The following TMEM87B variants were observed in gnomAD, a reference collection of about 807,000 sequenced individuals.
TMEM87B encodes the protein transmembrane protein 87B.
A neutral mutation model predicts 80.3 loss-of-function variants in TMEM87B; 83 were observed. The ratio of observed to expected loss-of-function variants is 1.03; its 90% CI spans 0.87 to 1.24. The LOEUF is 1.24. Among genes scored for constraint, TMEM87B ranks in the 50% most tolerant of loss-of-function variants. The pLI is 0.00. For missense variants in TMEM87B, 625 were observed against 674.4 expected (o/e 0.93, Z 0.81); for synonymous variants, 219 against 230.5 (o/e 0.95, Z 0.45).
chr2:112,091,833 G>GATTACAA, intron 11 of TMEM87B, 50 bp downstream of exon 11: 1 of 1,327,192 alleles, frequency 7.5e-7, no homozygotes, highest in Non-Finnish European at 1.1e-6. Context: ...ATGAAAATCA[G>GATTACAA]ATTACATGTA....
intron 8 of TMEM87B, among the ~76,000 whole-genome samples, chr2:112,083,889 A>G (rs1406421250): frequency 6.6e-6 from 1 of 152,202 alleles, no homozygotes; most frequent in Non-Finnish European, 1.5e-5. Context: ...ATAGAGAATC[A>G]TTTTAGATAG....
At chr2:112,096,842 T>C (rs1679483285) in intron 11 of TMEM87B, among the ~76,000 whole-genome samples, 1 of 152,226 alleles carries the variant, frequency 6.6e-6, no homozygotes. Context: ...GTTCAGACAA[T>C]GGTAAATTGT....
At chr2:112,078,474 C>T (rs940301747) in intron 6 of TMEM87B, among the ~76,000 whole-genome samples, 1 of 152,184 alleles carries the variant, frequency 6.6e-6, no homozygotes, top group African/African-American at 2.4e-5. Context: ...AGCTAGTTCC[C>T]TCCAGGCCTT....
intron 2 of TMEM87B, among the ~76,000 whole-genome samples, chr2:112,063,153 AAC>A (rs1277755496): frequency 6.6e-6 from 1 of 152,174 alleles, no homozygotes; most frequent in Non-Finnish European, 1.5e-5. Flanking sequence ...GTGGTCCTCT[AAC>A]ACATTTTATC....
Position 112,077,193 on chromosome 2 carries a change from A to T in TMEM87B, c.503A>T (p.Asp168Val), listed in dbSNP as rs1445991750. 1.3e-6 allele frequency: 2 copies of T among 1,566,772 alleles called. No homozygotes were observed. Among genetic ancestry groups the T allele is most frequent in the African/African-American group, 1.4e-5 (1 of 73,632 alleles). Residue 168 changes from aspartate (D) to valine (V), a missense_variant and splice_region_variant, in exon 6 of 19, where the codon GAT (aspartate) becomes GTT (valine). Coordinates refer to ENST00000283206, the MANE Select transcript of TMEM87B (RefSeq NM_032824.3). ...RNVSNQERSM[D>V]VVARTQKDGF... is the part of the protein sequence containing the mutation. ...GAATTTTTTTCACCTCTATTTCAGG[A>T]TGTTGTAGCCAGAACACAAAAAGAT... is the stretch of plus-strand genomic sequence containing the variant.
chr2:112,112,848 A>T lies in TMEM87B; in HGVS notation c.1578-51A>T, dbSNP rs755813458. On this transcript the variant is annotated intron_variant, in intron 17 of 18. Coordinates refer to ENST00000283206, the MANE Select transcript of TMEM87B (RefSeq NM_032824.3). ...GCCTGTATTCGGCTTTCGTGGATAC[A>T]CTGGCCTTACTGTTAACAACATTAT... 7.0e-6 allele frequency: 11 copies of T among 1,573,964 alleles called. No homozygotes were observed. The East Asian group carries it at 2.2e-4, about 32-fold the overall frequency.
At chr2:112,063,884 G>C (rs1678334383) in intron 2 of TMEM87B, among the ~76,000 whole-genome samples, 1 of 152,218 alleles carries the variant, frequency 6.6e-6, no homozygotes, top group African/African-American at 2.4e-5. Flanking sequence ...AAATGTTTGA[G>C]AGTGAAATAA....
chr2:112,072,598 G>T (rs1017736862), intron 4 of TMEM87B, among the ~76,000 whole-genome samples: 1 of 152,146 alleles, frequency 6.6e-6, no homozygotes, highest in African/African-American at 2.4e-5. Flanking sequence ...CTGTATTTCT[G>T]TGGGCTCAGT....
chr2:112,100,594 G>A (rs750528140), intron 14 of TMEM87B, 28 bp from the exon 15 acceptor site: 1 of 1,502,686 alleles, frequency 6.7e-7, no homozygotes. Flanking sequence ...AAACATACTA[G>A]TAAAACTACT....
In TMEM87B at chr2:112,059,521, G is replaced by A. The variant is rs1678180451; in HGVS notation, c.166-456G>A. ...GAACTGGAAAGTTGAGAGGTGGGCA[G>A]GACTTGATTATTCACGTCCTATAGG... is the stretch of plus-strand genomic sequence containing the variant. On this transcript the variant is annotated intron_variant, in intron 1 of 18. Transcript: ENST00000283206. Among the ~76,000 whole-genome samples the A allele has an allele frequency of 2.0e-5, 3 of 152,178 alleles. No homozygotes were observed. In the South Asian group the frequency reaches 6.2e-4, roughly 31 times the overall value.
intron 8 of TMEM87B, among the ~76,000 whole-genome samples, chr2:112,082,841 T>G (rs115008538): frequency 1.3e-5 from 2 of 152,078 alleles, no homozygotes; most frequent in Non-Finnish European, 2.9e-5. Flanking sequence ...GCATGGACTT[T>G]AGTGAGGAGC....
At chr2:112,088,062 G>A (rs943976303) in intron 9 of TMEM87B, among the ~76,000 whole-genome samples, 1 of 152,166 alleles carries the variant, frequency 6.6e-6, no homozygotes, top group Non-Finnish European at 1.5e-5. Flanking sequence ...TCTGTGACTC[G>A]CACCCCTAGG....
Position 112,091,529 on chromosome 2 carries a change from T to C in TMEM87B, c.1033-183T>C, listed in dbSNP as rs118000251. ...TGCTATCATCACATAAATTAGCACT[T>C]GTTGCTATCAAAAACAGGTCATTTC... On this transcript the variant is annotated intron_variant, in intron 10 of 18. Coordinates refer to ENST00000283206, the MANE Select transcript of TMEM87B (RefSeq NM_032824.3). Among the ~76,000 whole-genome samples, 14 of 152,352 alleles carry C rather than the reference T, an allele frequency of 9.2e-5. No individual in the cohort carries two copies. The East Asian group carries it at 2.1e-3, about 23-fold the overall frequency.
intron 10 of TMEM87B, among the ~76,000 whole-genome samples, chr2:112,091,009 T>C (rs1679281375): frequency 6.6e-6 from 1 of 152,132 alleles, no homozygotes; most frequent in South Asian, 2.1e-4. Context: ...ATAATAATAA[T>C]AATAAATACT....
In TMEM87B at chr2:112,074,901, C is replaced by CT. The variant is rs778085280; in HGVS notation, c.451-5dup. The CT allele has an allele frequency of 1.8e-5, 28 of 1,563,754 alleles. No homozygotes were observed. The highest frequency in any genetic ancestry group is 7.0e-5 in the East Asian group (3 of 42,966). On this transcript the variant is annotated splice_polypyrimidine_tract_variant and intron_variant, in intron 4 of 18. Transcript: ENST00000283206. ...GCAGTATAAAATGGCATTATTTACT[C>CT]TTTTTTCCAGAATAAAGAACTAATA...
Position 112,098,607 on chromosome 2 carries a change from C to T in TMEM87B, c.1285C>T (p.Arg429Cys), listed in dbSNP as rs780710696. ...IAKCQSDWME[R>C]WVDDAFWSFL... Reference sequence around the variant, plus strand: ...GTCCTTCTTTTAGGATTGGATGGAACGCTGGGTTGACGATGCATTTTGGAG... The same window carrying T: ...GTCCTTCTTTTAGGATTGGATGGAATGCTGGGTTGACGATGCATTTTGGAG... The change falls in exon 14 of 19, where the codon CGC becomes TGC. Residue 429 changes from arginine to cysteine, a missense_variant. Coordinates refer to ENST00000283206, the MANE Select transcript of TMEM87B (RefSeq NM_032824.3). 74 of 1,613,932 alleles carry T rather than the reference C, an allele frequency of 4.6e-5. No individual in the cohort carries two copies. Among genetic ancestry groups the T allele is most frequent in the Admixed American group, 6.7e-5 (4 of 59,992 alleles).
At chr2:112,072,887 C>CTCT (rs1378517134) in intron 4 of TMEM87B, among the ~76,000 whole-genome samples, 8 of 140,780 alleles carry the variant, frequency 5.7e-5, no homozygotes, top group African/African-American at 1.3e-4. Context: ...ATCTTTTTAA[C>CTCT]TCTTCTTCTT....
intron 2 of TMEM87B, among the ~76,000 whole-genome samples, chr2:112,062,646 C>T (rs1678291458): frequency 6.6e-6 from 1 of 152,152 alleles, no homozygotes; most frequent in Admixed American, 6.5e-5. Context: ...TGCTGGAGGA[C>T]GTTGTAGTCC....
At chr2:112,101,205 G>A (rs1679621166) in intron 15 of TMEM87B, among the ~76,000 whole-genome samples, 1 of 152,160 alleles carries the variant, frequency 6.6e-6, no homozygotes, top group Admixed American at 6.5e-5. Context: ...TAACTCAGAT[G>A]TTGAGGGTAA....
Sources: allele counts gnomAD v4.1 joint callset (sites outside exome capture counted in the v4.1 genomes callset), GRCh38; gene constraint gnomAD v4.1.1; transcripts MANE v1.5; gene names NCBI Gene and HGNC (gene_info 2026-07-23, HGNC 2026-07-21).